The following CUL4A variants were observed in gnomAD, a reference collection of about 807,000 sequenced individuals.
The protein encoded by CUL4A is cullin 4A, also known as cullin-4A.
In CUL4A, 16 loss-of-function variants were observed where a neutral mutation model predicts 95.5. The observed-to-expected ratio is 0.17, with a 90% CI of 0.11 to 0.25. CUL4A has a LOEUF of 0.25. Among genes scored for constraint, CUL4A ranks in the 10% least tolerant of loss-of-function variants. CUL4A has a pLI of 1.00. For synonymous variants in CUL4A, 380 were observed against 353.1 expected (o/e 1.08, Z -0.85); for missense variants, 610 against 937.0 (o/e 0.65, Z 4.56).
chr13:113,229,319 A>ATG lies in CUL4A; in HGVS notation c.439-126_439-125dup, dbSNP rs2041225944. The ATG allele has an allele frequency of 1.6e-5, 11 of 705,324 alleles. 1 individual carries two copies. In the South Asian group the frequency reaches 1.9e-4, roughly 12 times the overall value. The allele number at this position is 705,324 out of a possible 1,614,324, so 43.7% of individuals were successfully genotyped here. On this transcript the variant is annotated intron_variant, in intron 4 of 19. Coordinates refer to ENST00000375440, the MANE Select transcript of CUL4A (RefSeq NM_001008895.4). Reference sequence around the variant, plus strand: ...TAACTTTAGAAAAAAAAAATAAAACATGAGGGCTGTGGTGGACAGGAAACA... The same window carrying ATG: ...TAACTTTAGAAAAAAAAAATAAAACATGTGAGGGCTGTGGTGGACAGGAAACA...
In CUL4A at chr13:113,243,166, A is replaced by C; in HGVS notation, c.1228+6A>C. On this transcript the variant is annotated splice_donor_region_variant and intron_variant, in intron 11 of 19. Coordinates refer to ENST00000375440, the MANE Select transcript of CUL4A (RefSeq NM_001008895.4). Reference sequence around the variant, plus strand: ...CAAGCCTGCAGAACTGATCGGTAGAAAAATATTTGTTTTTTTTGTTTGTTT... The same window carrying C: ...CAAGCCTGCAGAACTGATCGGTAGACAAATATTTGTTTTTTTTGTTTGTTT... 1 of 1,579,288 alleles carries C rather than the reference A, an allele frequency of 6.3e-7. No homozygotes were observed. The highest frequency in any genetic ancestry group is 8.7e-7 in the Non-Finnish European group (1 of 1,155,790).
At chr13:113,221,526 C>T (rs371288417) in intron 3 of CUL4A, among the ~76,000 whole-genome samples, 3 of 152,272 alleles carry the variant, frequency 2.0e-5, no homozygotes, top group East Asian at 3.9e-4. Context: ...TCAGGATAAG[C>T]ATTTATGCAG....
Position 113,253,192 on chromosome 13 carries a change from A to G in CUL4A, c.1749A>G (p.Lys583=), listed in dbSNP as rs1337627833. ...LGHAVLKAEF[K]EGKKEFQVSL... is the part of the protein sequence containing the mutation. Reference sequence around the variant, plus strand: ...ATGCTGTTTTAAAAGCGGAGTTTAAAGAAGTAAGTTGTCTGTTTCATTTAT... The same window carrying G: ...ATGCTGTTTTAAAAGCGGAGTTTAAGGAAGTAAGTTGTCTGTTTCATTTAT... The change falls in exon 16 of 20, where the codon AAA becomes AAG. Residue 583 remains lysine (K), a synonymous_variant. Transcript: ENST00000375440. 3 of 1,536,148 alleles carry G rather than the reference A, an allele frequency of 2.0e-6. No individual in the cohort carries two copies. The South Asian group carries it at 3.8e-5, about 20-fold the overall frequency.
At chr13:113,232,276 A>G (rs1238141919) in intron 5 of CUL4A, among the ~76,000 whole-genome samples, 1 of 143,862 alleles carries the variant, frequency 7.0e-6, no homozygotes, top group African/African-American at 2.6e-5. Context: ...GCCCACCACT[A>G]TTACTGCTGC....
chr13:113,235,797 C>T (rs2041520433), intron 8 of CUL4A, among the ~76,000 whole-genome samples: 1 of 151,924 alleles, frequency 6.6e-6, no homozygotes. Flanking sequence ...GGTGAAACCC[C>T]GTCTCTACTA....
chr13:113,252,161 G>A (rs1255869296), intron 15 of CUL4A, among the ~76,000 whole-genome samples: 1 of 152,204 alleles, frequency 6.6e-6, no homozygotes, highest in African/African-American at 2.4e-5. Context: ...CAGGATCCGG[G>A]CGATGGGAAA....
At chr13:113,244,865 G>A in intron 12 of CUL4A, 84 bp from the exon 13 acceptor site, 1 of 890,944 alleles carries the variant, frequency 1.1e-6, no homozygotes, top group South Asian at 1.5e-5. Flanking sequence ...CACTTTTAAG[G>A]GTTTTCAGCA....
chr13:113,240,742 A>G (rs2041684689), intron 10 of CUL4A, among the ~76,000 whole-genome samples: 1 of 152,112 alleles, frequency 6.6e-6, no homozygotes, highest in Non-Finnish European at 1.5e-5. Context: ...AAAAGGCCCC[A>G]GGAGGTAGCC....
chr13:113,231,822 C>T (rs1047735131), intron 5 of CUL4A, among the ~76,000 whole-genome samples: 7 of 152,126 alleles, frequency 4.6e-5, no homozygotes, highest in South Asian at 2.1e-4. Context: ...GTGCAGCACA[C>T]GCGGGAGCAA....
At chr13:113,261,976 T>TA (rs2042291723) in intron 19 of CUL4A, among the ~76,000 whole-genome samples, 2 of 152,158 alleles carry the variant, frequency 1.3e-5, no homozygotes, top group South Asian at 4.1e-4. Flanking sequence ...AGACAGGGTT[T>TA]TACCGTGTGG....
intron 13 of CUL4A, 46 bp downstream of exon 13, chr13:113,245,105 T>C: frequency 1.2e-6 from 2 of 1,609,180 alleles, no homozygotes; most frequent in Non-Finnish European, 1.7e-6. Flanking sequence ...TGAGGGTTGC[T>C]GCCCCGTGTG....
chr13:113,237,076 A>G (rs1390734386), intron 9 of CUL4A, among the ~76,000 whole-genome samples, 186 bp downstream of exon 9: 3 of 152,226 alleles, frequency 2.0e-5, no homozygotes, highest in Non-Finnish European at 4.4e-5. Flanking sequence ...AAGAGAAATA[A>G]TGGAAGGCAC....
At chr13:113,262,281 C>G (rs560523759) in intron 19 of CUL4A, among the ~76,000 whole-genome samples, 1 of 152,356 alleles carries the variant, frequency 6.6e-6, no homozygotes, top group African/African-American at 2.4e-5. Flanking sequence ...CAGTCACCTA[C>G]TCTTAGTGCA....
rs1023356223 is a variant in CUL4A at position 113,265,191 on chromosome 13, A to G, written c.*1609A>G. The stretch of plus-strand genomic sequence containing the variant: ...TTATTCTTTCCTGGCCACCTCTACC[A>G]CAAAATACCAGTGGGGCCAGGTAGT... On this transcript the variant is annotated 3_prime_UTR_variant, in exon 20 of 20. Coordinates refer to ENST00000375440, the MANE Select transcript of CUL4A (RefSeq NM_001008895.4). The G allele has an allele frequency of 2.0e-5, 3 of 152,194 alleles. No individual in the cohort carries two copies. The highest frequency in any genetic ancestry group is 6.5e-5 in the Admixed American group (1 of 15,274). 9.4% of individuals were successfully genotyped at this position (152,194 alleles called of 1,614,324 possible).
Position 113,232,173 on chromosome 13 carries a change from C to T in CUL4A, c.513-1004C>T, listed in dbSNP as rs1199128378. Among the ~76,000 whole-genome samples the T allele has an allele frequency of 1.6e-4, 18 of 113,914 alleles. 2 individuals carry two copies. The highest frequency in any genetic ancestry group is 3.3e-4 in the African/African-American group (8 of 24,152). The allele number at this position is 113,914 out of a possible 152,430, so 74.7% of individuals were successfully genotyped here. ...ATTACTGCTGCCACCACTACCCGCC[C>T]ACCACCATTACTGCTGCCACCACTA... On this transcript the variant is annotated intron_variant, in intron 5 of 19. Coordinates refer to ENST00000375440, the MANE Select transcript of CUL4A (RefSeq NM_001008895.4).
chr13:113,233,808 G>A lies in CUL4A; in HGVS notation c.676-89G>A. 13 of 839,686 alleles carry A rather than the reference G, an allele frequency of 1.5e-5. No homozygotes were observed. In the South Asian group the frequency reaches 1.7e-4, roughly 11 times the overall value. 52.0% of individuals were successfully genotyped at this position (839,686 alleles called of 1,614,324 possible). On this transcript the variant is annotated intron_variant, in intron 6 of 19. Transcript: ENST00000375440. Reference sequence around the variant, plus strand: ...GCGCCTCCAAGTTCAGGTCATGGCAGCCTGCCCCGTCAGAAACTGGGATGT... The same window carrying A: ...GCGCCTCCAAGTTCAGGTCATGGCAACCTGCCCCGTCAGAAACTGGGATGT...
intron 3 of CUL4A, chr13:113,219,785 G>A (rs2040830953): frequency 6.6e-6 from 1 of 152,250 alleles, no homozygotes; most frequent in Admixed American, 6.5e-5. Flanking sequence ...TTGCGTGTGA[G>A]GCATCCTCCA....
chr13:113,253,286 G>A (rs978491214), intron 16 of CUL4A, 91 bp downstream of exon 16: 5 of 553,100 alleles, frequency 9.0e-6, no homozygotes, highest in Non-Finnish European at 1.2e-5. Flanking sequence ...CAAAAAAGGA[G>A]TGTTTCACTT....
chr13:113,237,395 A>G (rs902578250), intron 9 of CUL4A, among the ~76,000 whole-genome samples: 5 of 152,200 alleles, frequency 3.3e-5, no homozygotes, highest in Non-Finnish European at 7.3e-5. Flanking sequence ...GGAAGAGAAG[A>G]GCATGTGTTC....
Sources: allele counts gnomAD v4.1 joint callset (sites outside exome capture counted in the v4.1 genomes callset), GRCh38; gene constraint gnomAD v4.1.1; transcripts MANE v1.5; gene names NCBI Gene and HGNC (gene_info 2026-07-23, HGNC 2026-07-21).